Variants in KCNAB1 observed in about 807,000 individuals in gnomAD.
KCNAB1 encodes the protein voltage-gated potassium channel subunit beta-1.
A neutral mutation model predicts 64.6 loss-of-function variants in KCNAB1; 35 were observed. That is an observed-to-expected ratio of 0.54 (90% CI 0.41 to 0.72). The LOEUF is 0.72. Ranked by LOEUF, KCNAB1 falls within the 30% of genes least tolerant of loss-of-function variation. KCNAB1 has a pLI of 0.00. For synonymous variants in KCNAB1, 177 were observed against 183.8 expected (o/e 0.96, Z 0.30); for missense variants, 401 against 512.9 (o/e 0.78, Z 2.11).
At chr3:156,409,772 C>T (rs944879280) in intron 1 of KCNAB1, among the ~76,000 whole-genome samples, 10 of 152,140 alleles carry the variant, frequency 6.6e-5, no homozygotes, top group South Asian at 4.1e-4. Context: ...TATACAGTAC[C>T]TTCACTTCTG....
At chr3:156,458,378 A>G (rs898877506) in intron 4 of KCNAB1, among the ~76,000 whole-genome samples, 2 of 152,210 alleles carry the variant, frequency 1.3e-5, no homozygotes, top group South Asian at 2.1e-4. Context: ...CTCAGAACCA[A>G]GGAAACTAAA....
At chr3:156,367,342 A>AT (rs35405893) in intron 1 of KCNAB1, among the ~76,000 whole-genome samples, 43,551 of 145,930 alleles carry the variant, frequency 0.3, 7,851 homozygotes, top group African/African-American at 0.53. Flanking sequence ...CGCCCAGCTA[A>AT]TTTTTTTTTT....
intron 1 of KCNAB1, among the ~76,000 whole-genome samples, chr3:156,166,236 T>C (rs1711555242): frequency 6.6e-6 from 1 of 152,176 alleles, no homozygotes; most frequent in Admixed American, 6.5e-5. Flanking sequence ...TGTCATGCCA[T>C]GGGCATGAGG....
intron 1 of KCNAB1, among the ~76,000 whole-genome samples, chr3:156,221,505 G>A (rs1576619143): frequency 6.6e-6 from 1 of 152,136 alleles, no homozygotes; most frequent in African/African-American, 2.4e-5. Flanking sequence ...GCCGGGCATG[G>A]TGGAGACTCA....
chr3:156,363,693 G>T (rs937444296), intron 1 of KCNAB1, among the ~76,000 whole-genome samples: 2 of 152,120 alleles, frequency 1.3e-5, no homozygotes, highest in African/African-American at 4.8e-5. Flanking sequence ...GTCCATGGTG[G>T]TCTTAAACTC....
intron 1 of KCNAB1, chr3:156,175,930 T>A (rs998835344): frequency 1.1e-6 from 1 of 933,698 alleles, no homozygotes; most frequent in Non-Finnish European, 1.8e-6. Flanking sequence ...AGCAACTTCA[T>A]TGATGGAGCC....
At chr3:156,462,070 C>A (rs1712953655) in intron 5 of KCNAB1, among the ~76,000 whole-genome samples, 1 of 152,220 alleles carries the variant, frequency 6.6e-6, no homozygotes, top group South Asian at 2.1e-4. Context: ...AAGTGTCATG[C>A]TGACAGAGTG....
intron 1 of KCNAB1, among the ~76,000 whole-genome samples, chr3:156,170,705 A>G (rs1711914204): frequency 6.6e-6 from 1 of 152,138 alleles, no homozygotes; most frequent in South Asian, 2.1e-4. Context: ...AGTTAGCCAT[A>G]ATGCTCCCAA....
intron 1 of KCNAB1, among the ~76,000 whole-genome samples, chr3:156,145,452 G>A (rs1714981578): frequency 2.6e-5 from 4 of 152,082 alleles, no homozygotes. Context: ...AAGAGAACCA[G>A]GGTTCTCTTG....
At chr3:156,181,893 G>T (rs567432020) in intron 1 of KCNAB1, among the ~76,000 whole-genome samples, 1 of 152,212 alleles carries the variant, frequency 6.6e-6, no homozygotes, top group African/African-American at 2.4e-5. Context: ...AATTTGAAAA[G>T]GTGGGTCTAG....
At chr3:156,438,641 G>A (rs186319016) in intron 2 of KCNAB1, among the ~76,000 whole-genome samples, 1 of 152,258 alleles carries the variant, frequency 6.6e-6, no homozygotes, top group Non-Finnish European at 1.5e-5. Flanking sequence ...AGCACCTGTT[G>A]TATGCTTGTA....
intron 1 of KCNAB1, among the ~76,000 whole-genome samples, chr3:156,298,667 A>G (rs1449621480): frequency 1.3e-5 from 2 of 152,066 alleles, no homozygotes; most frequent in Non-Finnish European, 2.9e-5. Flanking sequence ...AAAATATAGG[A>G]CTCTTAATTT....
intron 1 of KCNAB1, among the ~76,000 whole-genome samples, chr3:156,175,209 CA>C (rs1712272432): frequency 6.6e-6 from 1 of 151,076 alleles, no homozygotes; most frequent in African/African-American, 2.4e-5. Context: ...TAGAGAAATA[CA>C]GAAAGAAAAT....
chr3:156,217,731 G>A (rs1258802741), intron 1 of KCNAB1, among the ~76,000 whole-genome samples: 1 of 152,188 alleles, frequency 6.6e-6, no homozygotes, highest in Non-Finnish European at 1.5e-5. Context: ...TCCAGGGGAT[G>A]GCAAATACCT....
chr3:156,523,989 G>A (rs747366295), intron 12 of KCNAB1, 42 bp downstream of exon 12: 1 of 1,586,250 alleles, frequency 6.3e-7, no homozygotes, highest in Admixed American at 1.8e-5. Flanking sequence ...AGGGACTTCT[G>A]CTGAGATCAT....
intron 6 of KCNAB1, among the ~76,000 whole-genome samples, 172 bp downstream of exon 6, chr3:156,463,918 A>G (rs2108299499): frequency 6.6e-6 from 1 of 151,930 alleles, no homozygotes; most frequent in Middle Eastern, 3.4e-3. Context: ...CTAAGATTTC[A>G]TTTTAGCAAG....
Position 156,523,906 on chromosome 3 carries a change from T to C in KCNAB1, c.1040T>C (p.Ile347Thr), listed in dbSNP as rs761952034. The change falls in exon 12 of 14, where the codon ATT becomes ACT. Residue 347 changes from isoleucine to threonine, a missense_variant. By Grantham distance (89) the Ile-to-Thr change is moderately conservative. Coordinates refer to ENST00000490337, the MANE Select transcript of KCNAB1 (RefSeq NM_172160.3). The part of the protein sequence containing the change: ...QQNKLKDLSP[I>T]AERLGCTLPQ... ...AACAAGCTAAAAGACCTTTCCCCAATTGCGGAGCGTCTGGGATGCACACTA... is the reference window on the plus strand; with the variant it reads ...AACAAGCTAAAAGACCTTTCCCCAACTGCGGAGCGTCTGGGATGCACACTA... 5.6e-6 allele frequency: 9 copies of C among 1,613,936 alleles called. No individual in the cohort carries two copies. The highest frequency in any genetic ancestry group is 1.3e-5 in the African/African-American group (1 of 74,924).
chr3:156,341,305 C>T (rs1457660911), intron 1 of KCNAB1, among the ~76,000 whole-genome samples: 1 of 152,224 alleles, frequency 6.6e-6, no homozygotes, highest in Non-Finnish European at 1.5e-5. Flanking sequence ...AAACCCAAAT[C>T]TAGACGACGA....
At chr3:156,372,345 A>T (rs1726362823) in intron 1 of KCNAB1, among the ~76,000 whole-genome samples, 1 of 152,226 alleles carries the variant, frequency 6.6e-6, no homozygotes, top group South Asian at 2.1e-4. Flanking sequence ...TAAAATGAGG[A>T]TGATAATATT....
Sources: gnomAD v4.1 joint callset for allele counts (sites outside exome capture counted in the v4.1 genomes callset) on GRCh38, gnomAD v4.1.1 for gene constraint, MANE v1.5 for transcripts, NCBI Gene and HGNC (gene_info 2026-07-23, HGNC 2026-07-21) for gene names.